LTF: variants seen among roughly 807,000 people sequenced by gnomAD.
LTF encodes epididymis luminal protein 110.
LTF carries 91 observed loss-of-function variants against 87.2 expected under a neutral mutation model. The ratio of observed to expected loss-of-function variants is 1.04; its 90% CI spans 0.88 to 1.24. The LOEUF (loss-of-function observed/expected upper bound fraction) is 1.24. Ranked by LOEUF, LTF falls within the 50% of genes most tolerant of loss-of-function variation. The pLI is 0.00. For missense variants in LTF, 901 were observed against 904.3 expected, an observed-to-expected ratio of 1.00 and a Z score of 0.05; for synonymous variants, 378 against 356.1, an observed-to-expected ratio of 1.06 and a Z score of -0.69.
chr3:46,467,649 T>C (rs1437154952), upstream of LTF, among the ~76,000 whole-genome samples: 17 of 146,154 alleles, frequency 1.2e-4, no homozygotes, highest in South Asian at 2.1e-4. Flanking sequence ...CTTTTCTTTT[T>C]TTTTTTTTTT....
intron 1 of LTF, among the ~76,000 whole-genome samples, chr3:46,481,612 C>G (rs767606131): frequency 6.6e-6 from 1 of 152,062 alleles, no homozygotes; most frequent in African/African-American, 2.4e-5. Context: ...TTAGCTGGGC[C>G]TGGTGGCAGG....
intron 1 of LTF, among the ~76,000 whole-genome samples, chr3:46,478,004 A>T (rs1703383083): frequency 6.6e-6 from 1 of 152,218 alleles, no homozygotes; most frequent in South Asian, 2.1e-4. Context: ...CTAACCCAGC[A>T]GCGTGCCCCA....
chr3:46,482,542 AG>A lies in LTF; in HGVS notation c.-320+2443del, dbSNP rs1360917122. Among the ~76,000 whole-genome samples the A allele has an allele frequency of 4.6e-3, 398 of 86,460 alleles. 47 individuals are homozygous for A. The highest frequency in any genetic ancestry group is 0.026 in the South Asian group (56 of 2,150). 56.7% of individuals were successfully genotyped at this position (86,460 alleles called of 152,430 possible). Reference sequence around the variant, plus strand: ...AGGGAAGGGAAGGGAAGGGAAGGGAAGGGAAGGGAAGGGAAGGGAAGGGAAG... The same window carrying A: ...AGGGAAGGGAAGGGAAGGGAAGGGAAGGAAGGGAAGGGAAGGGAAGGGAAG... On this transcript the variant is annotated intron_variant, in intron 1 of 19. Coordinates refer to the LTF transcript ENST00000443496.
chr3:46,480,117 T>C (rs544416229), intron 1 of LTF, among the ~76,000 whole-genome samples: 2 of 152,306 alleles, frequency 1.3e-5, no homozygotes, highest in East Asian at 1.9e-4. Flanking sequence ...CCCAGGTGGA[T>C]CGTGGAAGAG....
chr3:46,455,133 C>G (rs987342144), intron 5 of LTF, among the ~76,000 whole-genome samples, 162 bp downstream of exon 5: 1 of 152,222 alleles, frequency 6.6e-6, no homozygotes, highest in Non-Finnish European at 1.5e-5. Context: ...GGAACACACA[C>G]TGGGCAGGCC....
At chr3:46,458,540 A>T (rs924902927) in intron 2 of LTF, among the ~76,000 whole-genome samples, 2 of 152,212 alleles carry the variant, frequency 1.3e-5, no homozygotes, top group Non-Finnish European at 2.9e-5. Context: ...TCTGCATTTT[A>T]AACAAGCAAG....
At chr3:46,449,086 C>T (rs1702734073) in intron 8 of LTF, 69 bp from the exon 9 acceptor site, 1 of 1,460,688 alleles carries the variant, frequency 6.8e-7, no homozygotes, top group Non-Finnish European at 9.3e-7. Flanking sequence ...CTCCCCAGAG[C>T]CAGGGTCCTG....
At chr3:46,444,681 G>A (rs1248409357) in intron 12 of LTF, among the ~76,000 whole-genome samples, 2 of 152,200 alleles carry the variant, frequency 1.3e-5, no homozygotes, top group African/African-American at 4.8e-5. Context: ...CCTGCCCTAG[G>A]AGACGCCCAT....
At position 46,455,830 on chromosome 3, in the gene LTF, C is replaced by A; in HGVS notation, c.465G>T (p.Leu155Phe). 1 of 1,595,268 alleles carries A rather than the reference C, an allele frequency of 6.3e-7. No homozygotes were observed. The highest frequency in any genetic ancestry group is 8.5e-7 in the Non-Finnish European group (1 of 1,171,078). Reference protein sequence around the residue: ...NVPIGTLRPFLNWTGPPEPIE... With the variant: ...NVPIGTLRPFFNWTGPPEPIE... The stretch of plus-strand genomic sequence containing the variant: ...TGGGCTCAGGTGGACCCGTCCAATT[C>A]AAGAATGGACGAAGTGTCCCTATAG... Residue 155 changes from leucine to phenylalanine, a missense_variant, in exon 4 of 17, where the codon TTG becomes TTT. Transcript: ENST00000231751.
chr3:46,442,854 G>A (rs891139627), intron 13 of LTF, among the ~76,000 whole-genome samples: 1 of 152,188 alleles, frequency 6.6e-6, no homozygotes, highest in Admixed American at 6.5e-5. Flanking sequence ...TAGTGCCCCT[G>A]AGAAGCAACA....
Position 46,455,374 on chromosome 3 carries a change from G to A in LTF, c.568C>T (p.Arg190Cys), listed in dbSNP as rs1443527412. The A allele has an allele frequency of 6.2e-6, 10 of 1,614,212 alleles. No homozygotes were observed. Among genetic ancestry groups the A allele is most frequent in the African/African-American group, 2.7e-5 (2 of 75,056 alleles). Residue 190 changes from arginine (R) to cysteine (C), a missense_variant, in exon 5 of 17, where the codon CGC becomes TGC. Physicochemically the swap from Arg to Cys is radical, Grantham distance 180. Coordinates refer to ENST00000231751, the MANE Select transcript of LTF (RefSeq NM_002343.6). The part of the protein sequence containing the change: ...ADKGQFPNLC[R>C]LCAGTGENKC... ...TTTTCCCCTGTCCCCGCACACAGGC[G>A]ACACAGGTTGGGGAACTGTCCTTTA...
intron 1 of LTF, among the ~76,000 whole-genome samples, chr3:46,478,855 C>T (rs1213062809): frequency 1.3e-5 from 2 of 152,192 alleles, no homozygotes; most frequent in African/African-American, 4.8e-5. Context: ...TGCCATTTTA[C>T]AAATGAGGTC....
Position 46,439,287 on chromosome 3 carries a change from G to C in LTF, c.1908+9C>G, listed in dbSNP as rs533747213. 1 of 1,601,626 alleles carries C rather than the reference G, an allele frequency of 6.2e-7. No homozygotes were observed. The highest frequency in any genetic ancestry group is 8.5e-7 in the Non-Finnish European group (1 of 1,173,896). The stretch of plus-strand genomic sequence containing the variant: ...GCTAAGAAAGCACTAGAAGCCCTGT[G>C]GTCCATACCTGTTGGTGGAGCAACA... On this transcript the variant is annotated intron_variant, in intron 15 of 16. Transcript: ENST00000231751.
chr3:46,449,856 TTCC>T lies in LTF; in HGVS notation c.1052_1054del (p.Arg351del), dbSNP rs1294709466. ...AGGACCCTCCTGGGCTCACTCACTT[TTCC>T]TCAAGTTCTGGATGGCAGTGAAGTA... is the stretch of plus-strand genomic sequence containing the variant. On this transcript the variant is annotated inframe_deletion, in exon 8 of 17. Transcript: ENST00000231751. 1 of 1,613,984 alleles carries T rather than the reference TTCC, an allele frequency of 6.2e-7. No individual in the cohort carries two copies. Among genetic ancestry groups the T allele is most frequent in the Admixed American group, 1.7e-5 (1 of 60,018 alleles).
upstream of LTF, among the ~76,000 whole-genome samples, chr3:46,467,673 G>T (rs1481039770): frequency 7.0e-6 from 1 of 142,858 alleles, no homozygotes; most frequent in African/African-American, 2.7e-5. Flanking sequence ...TTACCGACAG[G>T]GTCTCCCTCT....
At chr3:46,449,274 G>C (rs1019915860) in intron 8 of LTF, among the ~76,000 whole-genome samples, 2 of 152,156 alleles carry the variant, frequency 1.3e-5, no homozygotes, top group Non-Finnish European at 2.9e-5. Flanking sequence ...TTAATCTTTA[G>C]AGTCAGGAGG....
intron 1 of LTF, among the ~76,000 whole-genome samples, chr3:46,471,248 T>C (rs1213580531): frequency 6.6e-6 from 1 of 152,192 alleles, no homozygotes; most frequent in Non-Finnish European, 1.5e-5. Context: ...TCTGTGTCTC[T>C]GTCCTAATCC....
Position 46,484,006 on chromosome 3 carries a change from C to A in LTF, c.-320+980G>T, listed in dbSNP as rs188046405. Among the ~76,000 whole-genome samples the A allele has an allele frequency of 5.0e-3, 759 of 152,236 alleles. 5 individuals carry two copies. Among genetic ancestry groups the A allele is most frequent in the Middle Eastern group, 0.014 (4 of 294 alleles). On this transcript the variant is annotated intron_variant, in intron 1 of 19. Transcript: ENST00000443496. ...CAAATGACTTTGGCCTCATAAATAACCTTGGCACTCCCCAGAGGTGCTGTC... is the reference window on the plus strand; with the variant it reads ...CAAATGACTTTGGCCTCATAAATAAACTTGGCACTCCCCAGAGGTGCTGTC...
chr3:46,464,858 C>T lies in LTF; in HGVS notation c.10G>A (p.Val4Ile). MKL[V>I]FLVLLFLGAL... ...CCGAGGAACAGCAGGACGAGGAAGA[C>T]AAGTTTCATGTCTGCGGTCTGGAGG... The change falls in exon 1 of 17, where the codon GTC (valine) becomes ATC (isoleucine). Residue 4 changes from valine to isoleucine, a missense_variant. Transcript: ENST00000231751. 6.2e-7 allele frequency: 1 copy of T among 1,613,902 alleles called. No homozygotes were observed. The highest frequency in any genetic ancestry group is 2.2e-5 in the East Asian group (1 of 44,874).
Sources: allele counts gnomAD v4.1 joint callset (sites outside exome capture counted in the v4.1 genomes callset), GRCh38; gene constraint gnomAD v4.1.1; transcripts MANE v1.5; gene names NCBI Gene and HGNC (gene_info 2026-07-23, HGNC 2026-07-21).